The following RGL1 variants were observed in gnomAD, a reference collection of about 807,000 sequenced individuals.
RGL1 encodes ral guanine nucleotide dissociation stimulator like 1, also known as ral guanine nucleotide dissociation stimulator-like 1.
In RGL1, 24 loss-of-function variants were observed where a neutral mutation model predicts 95.2. That is an observed-to-expected ratio of 0.25 (90% confidence interval 0.18 to 0.35). The LOEUF (loss-of-function observed/expected upper bound fraction) is 0.35. Ranked by LOEUF, RGL1 falls within the 10% of genes least tolerant of loss-of-function variation. The probability of loss-of-function intolerance (pLI) is 1.00; values close to 1 mark genes in which losing one functional copy is unlikely to be tolerated. For synonymous variants in RGL1, 329 were observed against 344.9 expected (o/e 0.95, Z 0.51); for missense variants, 715 against 936.3 (o/e 0.76, Z 3.08).
At chr1:183,847,839 G>A in intron 3 of RGL1, 65 bp downstream of exon 3, 1 of 1,250,432 alleles carries the variant, frequency 8.0e-7, no homozygotes, top group Non-Finnish European at 1.2e-6. Context: ...GGAGCACGAG[G>A]TTCTGAATCA....
At chr1:183,770,754 T>A (rs1044931365) in intron 2 of RGL1, among the ~76,000 whole-genome samples, 2 of 152,090 alleles carry the variant, frequency 1.3e-5, no homozygotes, top group Non-Finnish European at 2.9e-5. Flanking sequence ...CTGGTAAGTT[T>A]CAGTTCCTTG....
chr1:183,922,379 G>T, intron 17 of RGL1, 43 bp downstream of exon 17: 1 of 1,458,148 alleles, frequency 6.9e-7, no homozygotes. Flanking sequence ...CCCAGGGCAG[G>T]TGGCTAGCAC....
intron 2 of RGL1, among the ~76,000 whole-genome samples, chr1:183,825,681 A>G (rs974574631): frequency 4.6e-5 from 7 of 152,228 alleles, no homozygotes; most frequent in Non-Finnish European, 7.3e-5. Context: ...AATGCATAAC[A>G]AAGTTGGTTG....
At chr1:183,678,677 C>G (rs1299748101) in intron 1 of RGL1, among the ~76,000 whole-genome samples, 1 of 151,612 alleles carries the variant, frequency 6.6e-6, no homozygotes, top group Non-Finnish European at 1.5e-5. Context: ...TTATGGCTCA[C>G]TTAAGTGCAA....
intron 7 of RGL1, 49 bp downstream of exon 7, chr1:183,884,987 C>A: frequency 6.7e-7 from 1 of 1,489,192 alleles, no homozygotes; most frequent in Non-Finnish European, 9.3e-7. Flanking sequence ...ATGCAAGAGA[C>A]TGCTCCATCA....
chr1:183,758,668 GCATGA>G (rs1044049956), intron 2 of RGL1, among the ~76,000 whole-genome samples: 6 of 151,944 alleles, frequency 3.9e-5, no homozygotes, highest in Non-Finnish European at 5.9e-5. Flanking sequence ...TTTTATAAGG[GCATGA>G]ATCCCATTCA....
At chr1:183,847,524 G>A in intron 2 of RGL1, 42 bp from the exon 3 acceptor site, 1 of 1,517,002 alleles carries the variant, frequency 6.6e-7, no homozygotes, top group Non-Finnish European at 9.1e-7. Context: ...TTTACTTTAG[G>A]GAGTCATTTC....
In RGL1 at chr1:183,752,706, T is replaced by TCTCTCTCTCTCTCTCTC. The variant is rs58775038; in HGVS notation, c.132+10417_132+10418insCTCTCTCTCTCTCTCTC. On this transcript the variant is annotated intron_variant, in intron 2 of 18. Transcript: ENST00000304685. ...TCTCTCTCTCTCTCTCTCTCTCTCT[T>TCTCTCTCTCTCTCTCTC]TCCCCTTTCCTCTCTTTGGCCTTAA... 9.0e-3 allele frequency among the ~76,000 whole-genome samples: 989 copies of TCTCTCTCTCTCTCTCTC among 110,042 alleles called. 93 individuals carry two copies. The highest frequency in any genetic ancestry group is 0.02 in the African/African-American group (525 of 25,796). 72.2% of individuals were successfully genotyped at this position (110,042 alleles called of 152,430 possible). A position where few individuals can be genotyped will look rare whatever the true frequency, so the allele number is the denominator to read the frequency against.
At chr1:183,755,772 C>T (rs546861168) in intron 2 of RGL1, among the ~76,000 whole-genome samples, 11 of 152,194 alleles carry the variant, frequency 7.2e-5, no homozygotes, top group African/African-American at 2.6e-4. Context: ...TAATAAGTGT[C>T]CACAGGTATT....
chr1:183,726,724 G>A (rs368301122), intron 1 of RGL1, among the ~76,000 whole-genome samples: 1 of 152,210 alleles, frequency 6.6e-6, no homozygotes, highest in East Asian at 1.9e-4. Context: ...GACATTCAAG[G>A]TAGAAATATA....
chr1:183,662,895 A>G (rs1214559095), intron 1 of RGL1, among the ~76,000 whole-genome samples: 2 of 152,220 alleles, frequency 1.3e-5, no homozygotes, highest in Non-Finnish European at 2.9e-5. Context: ...CAGAGCCCTC[A>G]CAAATAACGC....
chr1:183,643,107 T>C (rs1650038817), intron 1 of RGL1, among the ~76,000 whole-genome samples: 2 of 152,180 alleles, frequency 1.3e-5, no homozygotes, highest in Non-Finnish European at 2.9e-5. Context: ...TTTCCTTCCT[T>C]TTTAAAGCCG....
intron 1 of RGL1, among the ~76,000 whole-genome samples, chr1:183,654,772 C>G (rs1651024127): frequency 6.6e-6 from 1 of 152,228 alleles, no homozygotes; most frequent in South Asian, 2.1e-4. Context: ...TCCACTAGCA[C>G]ATTTATCAAT....
chr1:183,705,059 G>A (rs1210393475), intron 1 of RGL1, among the ~76,000 whole-genome samples: 1 of 152,178 alleles, frequency 6.6e-6, no homozygotes, highest in Non-Finnish European at 1.5e-5. Context: ...TGAGGCGAGA[G>A]CCTTCTGGAG....
intron 13 of RGL1, 71 bp downstream of exon 13, chr1:183,905,042 G>T: frequency 1.3e-6 from 2 of 1,531,954 alleles, no homozygotes; most frequent in Non-Finnish European, 1.8e-6. Flanking sequence ...TTAATACCTC[G>T]CTGGGTCATT....
intron 3 of RGL1, among the ~76,000 whole-genome samples, chr1:183,855,330 C>T (rs1011730268): frequency 7.9e-5 from 12 of 152,346 alleles, no homozygotes; most frequent in African/African-American, 2.9e-4. Flanking sequence ...GCCCATTGCA[C>T]ACATCCATTC....
intron 2 of RGL1, among the ~76,000 whole-genome samples, chr1:183,785,906 G>C (rs1285360401): frequency 6.9e-6 from 1 of 144,246 alleles, no homozygotes; most frequent in Non-Finnish European, 1.5e-5. Context: ...GCAACAGAGT[G>C]TGACCCCATC....
chr1:183,857,945 G>A (rs1387110089), intron 3 of RGL1, among the ~76,000 whole-genome samples: 1 of 152,184 alleles, frequency 6.6e-6, no homozygotes, highest in Non-Finnish European at 1.5e-5. Flanking sequence ...TCAGATCATA[G>A]CCAGGCTAGC....
intron 15 of RGL1, among the ~76,000 whole-genome samples, chr1:183,913,720 T>C (rs1053317749): frequency 2.0e-5 from 3 of 152,164 alleles, no homozygotes; most frequent in African/African-American, 4.8e-5. Context: ...CAAGGGGACA[T>C]GTGTGTTGCT....
Sources: gnomAD v4.1 joint callset for allele counts (sites outside exome capture counted in the v4.1 genomes callset) on GRCh38, gnomAD v4.1.1 for gene constraint, MANE v1.5 for transcripts, NCBI Gene and HGNC (gene_info 2026-07-23, HGNC 2026-07-21) for gene names.